The following CFAP96 variants were observed in gnomAD, a reference collection of about 807,000 sequenced individuals.
The protein encoded by CFAP96 is cilia and flagella associated protein 96, also known as cilia-and flagella-associated protein 96.
the CFAP96 span, among the ~76,000 whole-genome samples, chr4:185,417,928 C>T: frequency 6.6e-6 from 1 of 151,912 alleles, no homozygotes; most frequent in Non-Finnish European, 1.5e-5. Flanking sequence ...CCTGTAATCC[C>T]AGCTACTCAG....
At chr4:185,423,591 TA>T in the CFAP96 span, among the ~76,000 whole-genome samples, 20 of 152,102 alleles carry the variant, frequency 1.3e-4, no homozygotes, top group South Asian at 8.3e-4. Context: ...CATATAGCCA[TA>T]AAAAAATCAT....
the CFAP96 span, chr4:185,426,127 A>G: frequency 1.8e-6 from 1 of 555,482 alleles, no homozygotes; most frequent in Non-Finnish European, 3.3e-6. Context: ...AAGCTCACAC[A>G]TCCTTCTGTG....
chr4:185,426,691 G>A, the CFAP96 span, among the ~76,000 whole-genome samples: 1 of 152,182 alleles, frequency 6.6e-6, no homozygotes, highest in Non-Finnish European at 1.5e-5. Flanking sequence ...CAGAATATCT[G>A]TTAAATAAGT....
the CFAP96 span, among the ~76,000 whole-genome samples, chr4:185,434,984 G>A: frequency 6.6e-6 from 1 of 151,584 alleles, no homozygotes; most frequent in East Asian, 1.9e-4. Context: ...CAGGTGATCT[G>A]CCCACCTCAG....
chr4:185,438,566 C>G, the CFAP96 span, among the ~76,000 whole-genome samples: 3 of 152,110 alleles, frequency 2.0e-5, no homozygotes, highest in Non-Finnish European at 2.9e-5. Context: ...GATTTTTCTT[C>G]TCAGTATGGG....
chr4:185,417,015 T>C, the CFAP96 span, among the ~76,000 whole-genome samples: 1 of 152,220 alleles, frequency 6.6e-6, no homozygotes, highest in East Asian at 1.9e-4. Context: ...ATGTAGTTTC[T>C]TCCCACAAGA....
the CFAP96 span, chr4:185,436,213 G>A: frequency 1.8e-5 from 28 of 1,544,444 alleles, no homozygotes; most frequent in South Asian, 3.6e-5. Context: ...TTGTCATATC[G>A]TTTGTTTTGA....
At chr4:185,414,538 G>A in the CFAP96 span, among the ~76,000 whole-genome samples, 482 of 152,238 alleles carry the variant, frequency 3.2e-3, 3 homozygotes, top group African/African-American at 0.011. Flanking sequence ...CATACAGAGG[G>A]TCAGGGTATT....
At chr4:185,424,766 C>T in the CFAP96 span, among the ~76,000 whole-genome samples, 1 of 152,196 alleles carries the variant, frequency 6.6e-6, no homozygotes, top group Non-Finnish European at 1.5e-5. Context: ...AACTCTGCTA[C>T]TTACTGTACA....
At chr4:185,415,925 G>A in the CFAP96 span, 3 of 1,380,318 alleles carry the variant, frequency 2.2e-6, no homozygotes, top group Admixed American at 2.4e-5. Context: ...AATATAAAGA[G>A]TAAGTAAAAA....
the CFAP96 span, chr4:185,429,380 CG>C: frequency 1.5e-4 from 203 of 1,320,042 alleles, 1 homozygote; most frequent in African/African-American, 2.9e-3. Context: ...TTGAAGTTAG[CG>C]GTATAGAGAG....
chr4:185,428,606 T>TA, the CFAP96 span, among the ~76,000 whole-genome samples: 1 of 150,746 alleles, frequency 6.6e-6, no homozygotes, highest in African/African-American at 2.4e-5. Context: ...GACTCTGTCT[T>TA]AAAACAATTA....
At chr4:185,438,357 T>C in the CFAP96 span, among the ~76,000 whole-genome samples, 1 of 152,198 alleles carries the variant, frequency 6.6e-6, no homozygotes, top group Non-Finnish European at 1.5e-5. Flanking sequence ...TTTTCTGTAA[T>C]GTCCAATCTG....
chr4:185,432,225 T>A, the CFAP96 span: 1 of 1,495,528 alleles, frequency 6.7e-7, no homozygotes, highest in Non-Finnish European at 9.1e-7. Flanking sequence ...GGGAAAAGTC[T>A]TAAATATACC....
chr4:185,425,181 G>T, the CFAP96 span, among the ~76,000 whole-genome samples: 1 of 152,164 alleles, frequency 6.6e-6, no homozygotes, highest in South Asian at 2.1e-4. Context: ...TGTCAAGGAT[G>T]ATTTCCAGGT....
the CFAP96 span, among the ~76,000 whole-genome samples, chr4:185,433,353 C>T: frequency 1.4e-5 from 2 of 144,310 alleles, no homozygotes. Context: ...GCCAAGATCA[C>T]ACCACTGCAC....
At chr4:185,411,839 A>G in the CFAP96 span, among the ~76,000 whole-genome samples, 1 of 152,226 alleles carries the variant, frequency 6.6e-6, no homozygotes, top group Non-Finnish European at 1.5e-5. Context: ...GATATGTAAT[A>G]TTGAGTGAAA....
At chr4:185,431,907 ATTG>A in the CFAP96 span, 3 of 1,213,330 alleles carry the variant, frequency 2.5e-6, no homozygotes, top group African/African-American at 1.5e-5. Context: ...ATATTTGGAA[ATTG>A]TTATCTTATT....
chr4:185,433,215 G>GA, the CFAP96 span, among the ~76,000 whole-genome samples: 1 of 151,764 alleles, frequency 6.6e-6, no homozygotes, highest in Non-Finnish European at 1.5e-5. Context: ...AATGTTCAGT[G>GA]AAACCCCATC....
Sources: allele counts gnomAD v4.1 joint callset (sites outside exome capture counted in the v4.1 genomes callset), GRCh38; gene constraint gnomAD v4.1.1; transcripts MANE v1.5; gene names NCBI Gene and HGNC (gene_info 2026-07-23, HGNC 2026-07-21).